Variants in ZNF423 observed in about 807,000 individuals in gnomAD.
ZNF423 encodes the protein Ebf-associated zinc finger protein.
Under a neutral mutation model 95.8 loss-of-function variants are expected in ZNF423, and 12 were observed. The observed-to-expected ratio is 0.13, with a 90% CI of 0.08 to 0.20. The LOEUF is 0.20. Ranked by LOEUF, ZNF423 falls within the 10% of genes least tolerant of loss-of-function variation. ZNF423 has a pLI of 1.00. For missense variants in ZNF423, 1,316 were observed against 1,737.1 expected (o/e 0.76, Z 4.31); for synonymous variants, 749 against 711.9 (o/e 1.05, Z -0.83).
chr16:49,609,581 G>A (rs1207066895), intron 5 of ZNF423, among the ~76,000 whole-genome samples: 1 of 152,068 alleles, frequency 6.6e-6, no homozygotes, highest in East Asian at 1.9e-4. Context: ...AATGGATAAA[G>A]GAGAAAATCT....
At chr16:49,555,424 C>T (rs1269434812) in intron 5 of ZNF423, among the ~76,000 whole-genome samples, 1 of 152,184 alleles carries the variant, frequency 6.6e-6, no homozygotes, top group Non-Finnish European at 1.5e-5. Flanking sequence ...TGTGTAGTAT[C>T]TTATTTAATT....
chr16:49,579,129 G>A (rs1454255338), intron 5 of ZNF423, among the ~76,000 whole-genome samples: 13 of 152,170 alleles, frequency 8.5e-5, no homozygotes, highest in Admixed American at 7.2e-4. Flanking sequence ...AGGGAAAGGG[G>A]AGGGATATTA....
intron 3 of ZNF423, chr16:49,708,006 A>C (rs2032411691): frequency 6.5e-6 from 1 of 154,532 alleles, no homozygotes; most frequent in South Asian, 2.1e-4. Flanking sequence ...AGGTCAGGGC[A>C]AAACATCTGG....
At chr16:49,627,461 C>T (rs1409576348) in intron 4 of ZNF423, among the ~76,000 whole-genome samples, 1 of 148,718 alleles carries the variant, frequency 6.7e-6, no homozygotes, top group Non-Finnish European at 1.5e-5. Flanking sequence ...ATATACCCAC[C>T]CATCCATCCT....
intron 5 of ZNF423, among the ~76,000 whole-genome samples, chr16:49,622,023 A>C (rs930753361): frequency 6.6e-6 from 1 of 152,216 alleles, no homozygotes; most frequent in Admixed American, 6.5e-5. Context: ...TGAAACCTTC[A>C]ATGGCTCCCT....
intron 3 of ZNF423, among the ~76,000 whole-genome samples, chr16:49,643,269 G>A (rs897627552): frequency 6.6e-5 from 10 of 152,178 alleles, no homozygotes; most frequent in Non-Finnish European, 1.3e-4. Context: ...TTCAAGGAAA[G>A]TCCTGTTCAG....
At position 49,638,932 on chromosome 16, in the gene ZNF423, G is replaced by A. The variant is rs1972869164; in HGVS notation, c.302-58C>T. 1.3e-6 allele frequency: 2 copies of A among 1,533,482 alleles called. No individual in the cohort carries two copies. The highest frequency in any genetic ancestry group is 4.6e-5 in the East Asian group (2 of 43,168). 95.0% of individuals were successfully genotyped at this position (1,533,482 alleles called of 1,614,324 possible). ...AATTCCCAGGGCTGCCGAGAAACAAGGACAGAGCCAGCTTCTCGACAGCAC... is the reference window on the plus strand; with the variant it reads ...AATTCCCAGGGCTGCCGAGAAACAAAGACAGAGCCAGCTTCTCGACAGCAC... On this transcript the variant is annotated intron_variant, in intron 3 of 7. Transcript: ENST00000563137. This position sits in a 1 kb window ranked among gnomAD's most constrained non-coding sequence, Gnocchi z 5.6.
intron 3 of ZNF423, among the ~76,000 whole-genome samples, chr16:49,688,109 AAC>A (rs2031639339): frequency 3.1e-5 from 4 of 129,760 alleles, no homozygotes; most frequent in Admixed American, 8.0e-5. Context: ...AAAAAAAAAA[AAC>A]TCTTCAAATT....
At chr16:49,808,052 TTTTC>T (rs918757823) in intron 1 of ZNF423, among the ~76,000 whole-genome samples, 1 of 146,504 alleles carries the variant, frequency 6.8e-6, no homozygotes, top group African/African-American at 2.7e-5. Context: ...TAGTAACAAT[TTTTC>T]TTTCTTTTTT....
At chr16:49,546,656 C>G (rs1310864641) in intron 5 of ZNF423, among the ~76,000 whole-genome samples, 1 of 152,170 alleles carries the variant, frequency 6.6e-6, no homozygotes, top group African/African-American at 2.4e-5. Context: ...TGAAGCTATC[C>G]GTGGAAGCTC....
At chr16:49,601,493 A>G (rs1971372554) in intron 5 of ZNF423, among the ~76,000 whole-genome samples, 1 of 152,192 alleles carries the variant, frequency 6.6e-6, no homozygotes, top group South Asian at 2.1e-4. Context: ...CCTGGTTAAC[A>G]TTGTGAAATG....
chr16:49,781,486 C>T (rs931112815), intron 2 of ZNF423, among the ~76,000 whole-genome samples: 1 of 152,132 alleles, frequency 6.6e-6, no homozygotes, highest in African/African-American at 2.4e-5. Flanking sequence ...GAATGGAGCT[C>T]GAAAGGGGAC....
intron 5 of ZNF423, among the ~76,000 whole-genome samples, chr16:49,597,482 G>A (rs559423301): frequency 4.4e-4 from 67 of 152,162 alleles, no homozygotes; most frequent in African/African-American, 1.6e-3. Context: ...TGGATATATT[G>A]GGTTAAACAA....
chr16:49,502,719 G>A (rs1967456809), intron 7 of ZNF423, among the ~76,000 whole-genome samples: 1 of 151,846 alleles, frequency 6.6e-6, no homozygotes, highest in African/African-American at 2.4e-5. Context: ...TACGAAAGCA[G>A]CCTCCCAAGG....
In ZNF423 at chr16:49,638,903, A is replaced by G; in HGVS notation, c.302-29T>C. 6.4e-7 allele frequency: 1 copy of G among 1,571,254 alleles called. No individual in the cohort carries two copies. Among genetic ancestry groups the G allele is most frequent in the Non-Finnish European group, 8.6e-7 (1 of 1,156,744 alleles). On this transcript the variant is annotated intron_variant, in intron 3 of 7. Coordinates refer to ENST00000563137, the MANE Select transcript of ZNF423 (RefSeq NM_001379286.1). This position sits in a 1 kb window ranked among gnomAD's most constrained non-coding sequence, Gnocchi z 5.6. ...CAAGAGAAGGCAGAGAGGATATTAG[A>G]GGCAATTCCCAGGGCTGCCGAGAAA...
chr16:49,813,791 C>T (rs2034792997), intron 1 of ZNF423, among the ~76,000 whole-genome samples: 1 of 152,174 alleles, frequency 6.6e-6, no homozygotes, highest in Non-Finnish European at 1.5e-5. Flanking sequence ...GCACAGTGGC[C>T]GAGACAGCAG....
At chr16:49,750,847 G>C (rs531277813) in intron 2 of ZNF423, among the ~76,000 whole-genome samples, 1 of 152,346 alleles carries the variant, frequency 6.6e-6, no homozygotes, top group African/African-American at 2.4e-5. Flanking sequence ...AGGAAGCAGC[G>C]TGAGCCAAGC....
At position 49,688,424 on chromosome 16, in the gene ZNF423, A is replaced by T. The variant is rs191134890; in HGVS notation, c.301+42347T>A. Among the ~76,000 whole-genome samples, 394 of 152,322 alleles carry T rather than the reference A, an allele frequency of 2.6e-3. 5 individuals are homozygous for T. The highest frequency in any genetic ancestry group is 9.0e-3 in the African/African-American group (373 of 41,574). ...AGGAGCCCGCCCTCTTGCTCCATAGAGGGAAGCCGCTGGAGGTTTGGGCCA... is the reference window on the plus strand; with the variant it reads ...AGGAGCCCGCCCTCTTGCTCCATAGTGGGAAGCCGCTGGAGGTTTGGGCCA... On this transcript the variant is annotated intron_variant, in intron 3 of 7. Coordinates refer to ENST00000563137, the MANE Select transcript of ZNF423 (RefSeq NM_001379286.1).
intron 6 of ZNF423, among the ~76,000 whole-genome samples, chr16:49,525,035 G>A (rs1430821687): frequency 1.3e-5 from 2 of 152,218 alleles, no homozygotes; most frequent in East Asian, 3.9e-4. Flanking sequence ...CAAACACAGG[G>A]CCCGGGAGGG....
Sources: gnomAD v4.1 joint callset for allele counts (sites outside exome capture counted in the v4.1 genomes callset) on GRCh38, gnomAD v4.1.1 for gene constraint, Gnocchi (gnomAD v3.1) non-coding constraint, MANE v1.5 for transcripts, NCBI Gene and HGNC (gene_info 2026-07-23, HGNC 2026-07-21) for gene names.